The following LMF2 variants were observed in gnomAD, a reference collection of about 807,000 sequenced individuals.
LMF2 encodes the protein lipase maturation factor 2, also known as transmembrane protein 112B.
Under a neutral mutation model 81.5 loss-of-function variants are expected in LMF2, and 113 were observed. That is an observed-to-expected ratio of 1.39 (90% CI 1.19 to 1.62). The LOEUF is 1.62. LMF2 is among the 40% of genes most tolerant of loss of function. LMF2 has a pLI of 0.00. For synonymous variants in LMF2, 645 were observed against 424.5 expected (o/e 1.52, Z -6.39); for missense variants, 1,235 against 929.1 (o/e 1.33, Z -4.28).
chr22:50,503,565 T>C lies in LMF2; in HGVS notation c.1950A>G (p.Arg650=). The C allele has an allele frequency of 6.5e-7, 1 of 1,542,086 alleles. No individual in the cohort carries two copies. The highest frequency in any genetic ancestry group is 8.7e-7 in the Non-Finnish European group (1 of 1,147,124). The change falls in exon 14 of 14, where the codon AGA becomes AGG. Residue 650 remains arginine (R), a synonymous_variant. Transcript: ENST00000474879. ...AGGGTGCTAGCAGGGCTTGCACAAA[T>C]CTGACAGCCCCCACGGCCATGAGGA... ...WGLLMAVGAV[R]FVQALLAPCS...
Position 50,505,760 on chromosome 22 carries a change from A to G in LMF2, c.830T>C (p.Met277Thr). 6.2e-7 allele frequency: 1 copy of G among 1,613,254 alleles called. No homozygotes were observed. Among genetic ancestry groups the G allele is most frequent in the Non-Finnish European group, 8.5e-7 (1 of 1,179,946 alleles). Residue 277 changes from methionine (M) to threonine (T), a missense_variant, in exon 6 of 14, where the codon ATG becomes ACG. Physicochemically the swap from Met to Thr is moderately conservative, Grantham distance 81. Coordinates refer to ENST00000474879, the MANE Select transcript of LMF2 (RefSeq NM_033200.3). ...CAGCGCAGTGGTAAGCACCAGCGTCATCAGGTTGAAGAAGTTGTAGTTGCC... is the reference window on the plus strand; with the variant it reads ...CAGCGCAGTGGTAAGCACCAGCGTCGTCAGGTTGAAGAAGTTGTAGTTGCC... ...ITGNYNFFNL[M>T]TLVLTTALLD...
In LMF2 at chr22:50,505,807, C is replaced by G. The variant is rs1182442038; in HGVS notation, c.783G>C (p.Leu261=). The change falls in exon 6 of 14, where the codon CTG becomes CTC. Residue 261 remains leucine (L), a synonymous_variant. Coordinates refer to ENST00000474879, the MANE Select transcript of LMF2 (RefSeq NM_033200.3). ...TGCCGGTGATGATAATCAGGACCTG[C>G]AGCAGCACCTGGGGGCGGCCCGCTC... is the stretch of plus-strand genomic sequence containing the variant. The part of the protein sequence containing the change: ...RLAAFYSQVL[L]QVLIIITGNY... 1 of 1,612,974 alleles carries G rather than the reference C, an allele frequency of 6.2e-7. No homozygotes were observed. Among genetic ancestry groups the G allele is most frequent in the East Asian group, 2.2e-5 (1 of 44,888 alleles).
At position 50,503,580 on chromosome 22, in the gene LMF2, G is replaced by A. The variant is rs755446292; in HGVS notation, c.1935C>T (p.Ala645=). Residue 645 remains alanine, a synonymous_variant, in exon 14 of 14, where the codon GCC becomes GCT. Transcript: ENST00000474879. ...APALLWGLLM[A]VGAVRFVQAL... is the part of the protein sequence containing the mutation. Reference sequence around the variant, plus strand: ...CTTGCACAAATCTGACAGCCCCCACGGCCATGAGGAGCCCCCAGAGCAGGG... The same window carrying A: ...CTTGCACAAATCTGACAGCCCCCACAGCCATGAGGAGCCCCCAGAGCAGGG... 2.6e-5 allele frequency: 40 copies of A among 1,541,852 alleles called. No individual in the cohort carries two copies. The highest frequency in any genetic ancestry group is 6.5e-5 in the Admixed American group (3 of 45,802).
intron 6 of LMF2, 51 bp downstream of exon 6, chr22:50,505,622 GT>G: frequency 1.2e-6 from 2 of 1,611,324 alleles, no homozygotes; most frequent in Non-Finnish European, 1.7e-6. Context: ...CTGTGGGGGT[GT>G]TGGAGGGGAG....
At position 50,504,286 on chromosome 22, in the gene LMF2, C is replaced by T. The variant is rs1312918587; in HGVS notation, c.1718+54G>A. 16 of 1,226,398 alleles carry T rather than the reference C, an allele frequency of 1.3e-5. 1 individual carries two copies. In the East Asian group the frequency reaches 3.4e-4, roughly 26 times the overall value. The allele number at this position is 1,226,398 out of a possible 1,614,324, so 76.0% of individuals were successfully genotyped here. On this transcript the variant is annotated intron_variant, in intron 12 of 13. Transcript: ENST00000474879. ...CCCCGGGCTCCACACCCCCCGGTGC[C>T]CGGCCTTACCCCTGCACCCCGGGCT...
rs375477419 is a variant in LMF2 at position 50,504,914 on chromosome 22, G to A, written c.1325C>T (p.Ala442Val). ...GTTGGCCAGCTGTAGGTGCTCCACG[G>A]CACCAAACAGGCGGTGGGCCCCGGT... ...LWTGAHRLFGAVEHLQLANSY... is the reference protein window; with the variant it reads ...LWTGAHRLFGVVEHLQLANSY... The change falls in exon 10 of 14, where the codon GCC becomes GTC. Residue 442 changes from alanine (A) to valine (V), a missense_variant. Ala to Val is a moderately conservative substitution (Grantham distance 64, BLOSUM62 0). Transcript: ENST00000474879. 15 of 1,607,862 alleles carry A rather than the reference G, an allele frequency of 9.3e-6. 1 individual carries two copies. The African/African-American group carries it at 1.9e-4, about 20-fold the overall frequency.
At position 50,506,959 on chromosome 22, in the gene LMF2, C is replaced by G. The variant is rs1358569987; in HGVS notation, c.171G>C (p.Leu57=). 6.3e-7 allele frequency: 1 copy of G among 1,584,556 alleles called. No individual in the cohort carries two copies. Among genetic ancestry groups the G allele is most frequent in the South Asian group, 1.1e-5 (1 of 88,640 alleles). ...CCCACAGCAGCGTCGGGGTCTCCCA[C>G]AGCTGCTGCCAGCGCCCCTTGCCCT... The part of the protein sequence containing the change: ...RPQGKGRWQQ[L]WETPTLLWEA... Residue 57 remains leucine, a synonymous_variant, in exon 2 of 14, where the codon CTG becomes CTC. Transcript: ENST00000474879.
chr22:50,503,728 G>T (rs372426276), intron 13 of LMF2, 29 bp from the exon 14 acceptor site: 449 of 1,586,340 alleles, frequency 2.8e-4, no homozygotes, highest in Non-Finnish European at 3.7e-4. Context: ...GAGGGAGGTT[G>T]GGGAAGTGCT....
At chr22:50,504,495 G>GGCCCCCCCCCCCCCCCCCCCCCCCCCC in intron 11 of LMF2, 44 bp from the exon 12 acceptor site, 6 of 1,339,574 alleles carry the variant, frequency 4.5e-6, no homozygotes, top group Non-Finnish European at 6.2e-6. Context: ...TACCCGCCCT[G>GGCCCCCCCCCCCCCCCCCCCCCCCCCC]CCCCTCCCCT....
chr22:50,505,571 G>A (rs1470097239), intron 6 of LMF2, 34 bp from the exon 7 acceptor site: 11 of 1,611,826 alleles, frequency 6.8e-6, no homozygotes, highest in South Asian at 1.1e-5. Context: ...TCAGCAGAGG[G>A]TCCCCAGCCA....
At chr22:50,504,509 CACCCCGCTCCACCCCAGCCCACTCCA>C in intron 11 of LMF2, 24 bp downstream of exon 11, 1 of 1,496,382 alleles carries the variant, frequency 6.7e-7, no homozygotes, top group Non-Finnish European at 9.0e-7. Flanking sequence ...CTCCCCTCCC[CACCCCGCTCCACCCCAGCCCACTCCA>C]CACCCCCCAA....
chr22:50,504,986 T>G lies in LMF2; in HGVS notation c.1255-2A>C, dbSNP rs901309226. 2 of 1,609,916 alleles carry G rather than the reference T, an allele frequency of 1.2e-6. No individual in the cohort carries two copies. Among genetic ancestry groups the G allele is most frequent in the East Asian group, 2.2e-5 (1 of 44,776 alleles). On this transcript the variant is annotated splice_acceptor_variant, in intron 9 of 13. Coordinates refer to ENST00000474879, the MANE Select transcript of LMF2 (RefSeq NM_033200.3). LOFTEE classifies it high-confidence loss of function. ...GGGCTCCACGTAGGAGTACGGCACCTGGAGACAGGTGGGAGGTTCTCAGGG... is the reference window on the plus strand; with the variant it reads ...GGGCTCCACGTAGGAGTACGGCACCGGGAGACAGGTGGGAGGTTCTCAGGG...
intron 12 of LMF2, 86 bp from the exon 13 acceptor site, chr22:50,503,990 A>T: frequency 8.6e-7 from 1 of 1,158,732 alleles, no homozygotes; most frequent in Non-Finnish European, 1.2e-6. Flanking sequence ...CCTGCTCCTC[A>T]GCTCCTCACG....
In LMF2 at chr22:50,507,268, A is replaced by G. The variant is rs560109408; in HGVS notation, c.95-233T>C. The G allele has an allele frequency of 8.2e-4, 539 of 653,618 alleles. 11 individuals are homozygous for G. The South Asian group carries it at 0.01, about 13-fold the overall frequency. The allele number at this position is 653,618 out of a possible 1,614,324, so 40.5% of individuals were successfully genotyped here. A position where few individuals can be genotyped will look rare whatever the true frequency, so the allele number is the denominator to read the frequency against. The stretch of plus-strand genomic sequence containing the variant: ...TGAGTCAGGGCCTCCCACCCAGCAG[A>G]GCCCACTGCCCTCTTCCAGGTCTCA... On this transcript the variant is annotated intron_variant, in intron 1 of 13. Transcript: ENST00000474879.
rs779214831 is a variant in LMF2 at position 50,505,215 on chromosome 22, C to T, written c.1157+14G>A. On this transcript the variant is annotated intron_variant, in intron 8 of 13. Transcript: ENST00000474879. ...GCACACCTGTGCCCCCTCCCTGCTT[C>T]CTGGGCCATGTACCTCCACAGGGCA... The T allele has an allele frequency of 1.1e-5, 17 of 1,612,876 alleles. No individual in the cohort carries two copies. Among genetic ancestry groups the T allele is most frequent in the Non-Finnish European group, 1.4e-5 (17 of 1,179,900 alleles).
chr22:50,504,811 G>T lies in LMF2; in HGVS notation c.1428C>A (p.His476Gln). The change falls in exon 10 of 14, where the codon CAC becomes CAA. Residue 476 changes from histidine to glutamine, a missense_variant. Transcript: ENST00000474879. Reference protein sequence around the residue: ...EVVLEGSYDGHHWTEIEFMYK... With the variant: ...EVVLEGSYDGQHWTEIEFMYK... ...CCCTGGGAGGGCTCACCGTCCAGTG[G>T]TGGCCGTCGTAACTGCCCTCCAGCA... 1 of 1,606,328 alleles carries T rather than the reference G, an allele frequency of 6.2e-7. No homozygotes were observed.
Position 50,504,796 on chromosome 22 carries a change from G to A in LMF2, c.1437+6C>T, listed in dbSNP as rs2068511949. 4.4e-6 allele frequency: 7 copies of A among 1,604,388 alleles called. No homozygotes were observed. The East Asian group carries it at 1.1e-4, about 26-fold the overall frequency. On this transcript the variant is annotated splice_donor_region_variant and intron_variant, in intron 10 of 13. Coordinates refer to ENST00000474879, the MANE Select transcript of LMF2 (RefSeq NM_033200.3). ...CCACCACCCTGCCCGCCCTGGGAGGGCTCACCGTCCAGTGGTGGCCGTCGT... is the reference window on the plus strand; with the variant it reads ...CCACCACCCTGCCCGCCCTGGGAGGACTCACCGTCCAGTGGTGGCCGTCGT...
Position 50,504,627 on chromosome 22 carries a change from A to G in LMF2, c.1538T>C (p.Leu513Pro), listed in dbSNP as rs1431677591. 3.7e-6 allele frequency: 6 copies of G among 1,607,564 alleles called. No individual in the cohort carries two copies. Among genetic ancestry groups the G allele is most frequent in the African/African-American group, 1.3e-5 (1 of 74,778 alleles). ...CCACGGGCTGTGCGTGTGTGGGCCC[A>G]GGGCTGCAAACCACATCTGCCAGTC... ...RLDWQMWFAA[L>P]GPHTHSPWFT... The change falls in exon 11 of 14, where the codon CTG (leucine) becomes CCG (proline). Residue 513 changes from leucine (L) to proline (P), a missense_variant. Leu to Pro is a moderately conservative substitution (Grantham distance 98). Coordinates refer to ENST00000474879, the MANE Select transcript of LMF2 (RefSeq NM_033200.3).
rs749937947 is a variant in LMF2 at position 50,506,340 on chromosome 22, G to A, written c.540C>T (p.Phe180=). The part of the protein sequence containing the change: ...LVRWLLFRLM[F]ASGVVKLTSR... The stretch of plus-strand genomic sequence containing the variant: ...TGGTCAGCTTGACCACGCCTGAGGC[G>A]AACATGAGGCGGAACAGCAGCCATC... The change falls in exon 4 of 14, where the codon TTC becomes TTT. Residue 180 remains phenylalanine, a synonymous_variant. Transcript: ENST00000474879. 2.3e-5 allele frequency: 35 copies of A among 1,549,686 alleles called. No homozygotes were observed. Among genetic ancestry groups the A allele is most frequent in the Non-Finnish European group, 2.8e-5 (32 of 1,146,856 alleles).
Sources: gnomAD v4.1 joint callset for allele counts on GRCh38, gnomAD v4.1.1 for gene constraint, MANE v1.5 for transcripts, NCBI Gene and HGNC (gene_info 2026-07-23, HGNC 2026-07-21) for gene names.